CNTN4: variants seen among roughly 807,000 people sequenced by gnomAD.
The protein encoded by CNTN4 is contactin 4, also known as contactin-4.
Under a neutral mutation model 122.5 loss-of-function variants are expected in CNTN4, and 77 were observed. The observed-to-expected ratio is 0.63, with a 90% confidence interval of 0.52 to 0.76. The LOEUF (loss-of-function observed/expected upper bound fraction) is 0.76, where lower values mean the gene tolerates loss of function less well. CNTN4 is among the 30% of genes least tolerant of loss of function. The probability of loss-of-function intolerance (pLI) is 0.00; values close to 1 mark genes in which losing one functional copy is unlikely to be tolerated. For missense variants in CNTN4, 1,256 were observed against 1,259.1 expected (o/e 1.00, Z 0.04); for synonymous variants, 512 against 447.0 (o/e 1.15, Z -1.83).
intron 6 of CNTN4, among the ~76,000 whole-genome samples, chr3:2,812,174 A>G (rs146541530): frequency 0.018 from 2,809 of 152,284 alleles, 34 homozygotes; most frequent in Non-Finnish European, 0.028. Flanking sequence ...GCTAATGGGT[A>G]CTAGGCTTAA....
At chr3:2,963,224 T>C (rs1328839201) in intron 13 of CNTN4, among the ~76,000 whole-genome samples, 1 of 152,148 alleles carries the variant, frequency 6.6e-6, no homozygotes, top group Non-Finnish European at 1.5e-5. Flanking sequence ...CTCTTCTACT[T>C]TCTGTTATTG....
rs529025688 is a variant in CNTN4, at chr3:2,805,933, G to T, written c.359-13553G>T. ...TTTTGTTTTTCTGAGACAGAGTCTC[G>T]CTCTGTCGCCCAGGCTGGAGTGCAG... On this transcript the variant is annotated intron_variant, in intron 6 of 24. Coordinates refer to ENST00000418658, the MANE Select transcript of CNTN4 (RefSeq NM_175607.3). 5.9e-5 allele frequency among the ~76,000 whole-genome samples: 9 copies of T among 152,032 alleles called. No homozygotes were observed. The East Asian group carries it at 1.5e-3, about 26-fold the overall frequency.
chr3:2,564,729 G>A (rs953603917), intron 3 of CNTN4, among the ~76,000 whole-genome samples: 7 of 151,914 alleles, frequency 4.6e-5, no homozygotes, highest in African/African-American at 1.7e-4. Flanking sequence ...TTTTTGAAGA[G>A]GGTCTTCTCG....
intron 13 of CNTN4, among the ~76,000 whole-genome samples, chr3:2,926,698 G>C (rs1391520886): frequency 1.3e-5 from 2 of 152,134 alleles, no homozygotes; most frequent in African/African-American, 2.4e-5. Flanking sequence ...CTTTGGATTT[G>C]CATATACATA....
rs149435142 is a variant in CNTN4, at chr3:2,869,119, T to C, written c.652+2170T>C. Among the ~76,000 whole-genome samples, 796 of 152,320 alleles carry C rather than the reference T, an allele frequency of 5.2e-3. 4 individuals carry two copies. Among genetic ancestry groups the C allele is most frequent in the African/African-American group, 0.018 (757 of 41,566 alleles). On this transcript the variant is annotated intron_variant, in intron 8 of 24. Transcript: ENST00000418658. Reference sequence around the variant, plus strand: ...TTAAGGTTAAAAGAGAGTTTTAATCTTAATTAGAAATAGGAGAAATTAGCA... The same window carrying C: ...TTAAGGTTAAAAGAGAGTTTTAATCCTAATTAGAAATAGGAGAAATTAGCA...
intron 7 of CNTN4, among the ~76,000 whole-genome samples, chr3:2,832,281 C>T (rs1171957642): frequency 1.3e-5 from 2 of 152,130 alleles, no homozygotes; most frequent in Admixed American, 6.6e-5. Context: ...CTTTCAGATA[C>T]CAGGCCTTGT....
intron 14 of CNTN4, among the ~76,000 whole-genome samples, chr3:3,002,341 G>A (rs373798453): frequency 4.6e-5 from 7 of 152,048 alleles, no homozygotes; most frequent in African/African-American, 9.7e-5. Context: ...ATAAAATACC[G>A]ACAAAGTAGC....
At chr3:2,943,556 T>TA (rs1185897267) in intron 13 of CNTN4, among the ~76,000 whole-genome samples, 2 of 149,606 alleles carry the variant, frequency 1.3e-5, no homozygotes, top group African/African-American at 4.9e-5. Context: ...CAAATTTTAT[T>TA]TAGATTGTTT....
chr3:2,293,796 G>T (rs922565266), intron 2 of CNTN4, among the ~76,000 whole-genome samples: 2 of 152,116 alleles, frequency 1.3e-5, no homozygotes, highest in Non-Finnish European at 2.9e-5. Flanking sequence ...CAAAATAAAA[G>T]TTGAAACTTT....
intron 4 of CNTN4, among the ~76,000 whole-genome samples, chr3:2,621,153 G>A (rs3885692): frequency 0.013 from 1,206 of 90,824 alleles, 14 homozygotes; most frequent in African/African-American, 0.053. Flanking sequence ...CTCAGTTAAC[G>A]TTAAGCACCC....
chr3:3,019,123 A>G (rs940110582), intron 14 of CNTN4, among the ~76,000 whole-genome samples: 7 of 152,122 alleles, frequency 4.6e-5, no homozygotes, highest in African/African-American at 1.7e-4. Context: ...GTCAGCTGAT[A>G]TATGTAGAAG....
intron 3 of CNTN4, among the ~76,000 whole-genome samples, chr3:2,503,689 G>A (rs1281890436): frequency 6.6e-6 from 1 of 152,056 alleles, no homozygotes; most frequent in Non-Finnish European, 1.5e-5. Flanking sequence ...AAGATTGAGA[G>A]GATTTTTTTT....
chr3:2,772,121 C>A (rs985498969), intron 6 of CNTN4, among the ~76,000 whole-genome samples: 2 of 152,006 alleles, frequency 1.3e-5, no homozygotes, highest in African/African-American at 4.8e-5. Flanking sequence ...TTTAGCTAAT[C>A]TTTTGGTGGC....
In CNTN4 at chr3:2,246,145, C is replaced by A. The variant is rs146455941; in HGVS notation, c.-144-93033C>A. 6.7e-3 allele frequency among the ~76,000 whole-genome samples: 1,021 copies of A among 151,968 alleles called. 7 individuals carry two copies. The highest frequency in any genetic ancestry group is 0.011 in the Non-Finnish European group (755 of 67,906). ...TCTCTGATAGGTTTCTGTTTAATAG[C>A]ACTGATGTGTTTTTTTAAAAAAAAT... On this transcript the variant is annotated intron_variant, in intron 2 of 24. Transcript: ENST00000418658.
intron 3 of CNTN4, among the ~76,000 whole-genome samples, chr3:2,567,455 T>C (rs1020611688): frequency 6.6e-6 from 1 of 152,152 alleles, no homozygotes; most frequent in Admixed American, 6.6e-5. Flanking sequence ...CCTTCCAGCC[T>C]CTTTCCCCCT....
At chr3:2,644,383 A>G (rs756107766) in intron 4 of CNTN4, among the ~76,000 whole-genome samples, 7 of 152,126 alleles carry the variant, frequency 4.6e-5, no homozygotes, top group South Asian at 2.1e-4. Context: ...AGCTCCATAC[A>G]TCTAGGTTTC....
intron 3 of CNTN4, among the ~76,000 whole-genome samples, chr3:2,361,323 C>G (rs2045127277): frequency 6.6e-6 from 1 of 152,166 alleles, no homozygotes; most frequent in Admixed American, 6.5e-5. Flanking sequence ...AATTTTGTCC[C>G]TCAGGAGATA....
At chr3:2,805,253 C>G (rs1315899996) in intron 6 of CNTN4, among the ~76,000 whole-genome samples, 1 of 151,608 alleles carries the variant, frequency 6.6e-6, no homozygotes, top group African/African-American at 2.4e-5. Flanking sequence ...TTTTAAGAAG[C>G]CTGTGGCAAT....
intron 3 of CNTN4, among the ~76,000 whole-genome samples, chr3:2,374,923 A>G (rs969756647): frequency 1.3e-5 from 2 of 152,292 alleles, no homozygotes; most frequent in South Asian, 4.1e-4. Context: ...TGTTAGACCT[A>G]TATTTAGATA....
Sources: gnomAD v4.1 joint callset for allele counts (sites outside exome capture counted in the v4.1 genomes callset) on GRCh38, gnomAD v4.1.1 for gene constraint, MANE v1.5 for transcripts, NCBI Gene and HGNC (gene_info 2026-07-23, HGNC 2026-07-21) for gene names.